Variants in PTPRQ observed in about 807,000 individuals in gnomAD.
PTPRQ encodes the protein phosphatidylinositol phosphatase PTPRQ.
In PTPRQ, 199 loss-of-function variants were observed where a neutral mutation model predicts 246.0. That is an observed-to-expected ratio of 0.81 (90% CI 0.72 to 0.91). The LOEUF (loss-of-function observed/expected upper bound fraction) is 0.91. PTPRQ is among the 40% of genes least tolerant of loss of function. The pLI, the probability that PTPRQ is intolerant of heterozygous loss-of-function variation, is 0.00. For synonymous variants in PTPRQ, 869 were observed against 853.2 expected, an observed-to-expected ratio of 1.02 and a Z score of -0.32; for missense variants, 2,624 against 2,528.4, an observed-to-expected ratio of 1.04 and a Z score of -0.81.
chr12:80,454,633 T>C (rs1007574174), intron 3 of PTPRQ: 4 of 672,138 alleles, frequency 6.0e-6, no homozygotes, highest in Non-Finnish European at 1.1e-5. Context: ...TATTTTGACA[T>C]ATGTTCCTTT....
At chr12:80,547,236 G>A (rs1166476435) in intron 24 of PTPRQ, 2 of 152,808 alleles carry the variant, frequency 1.3e-5, no homozygotes, top group Non-Finnish European at 2.9e-5. Flanking sequence ...CACACATGTA[G>A]TATACATGAC....
At chr12:80,667,918 T>G (rs1028175860) in intron 39 of PTPRQ, among the ~76,000 whole-genome samples, 1 of 152,082 alleles carries the variant, frequency 6.6e-6, no homozygotes, top group African/African-American at 2.4e-5. Context: ...CAAGATTTTC[T>G]ACAAGCAAAT....
rs769264799 is a variant in PTPRQ, at chr12:80,669,069, T to G, written c.6255T>G (p.Asp2085Glu). 108 of 1,550,598 alleles carry G rather than the reference T, an allele frequency of 7.0e-5. No homozygotes were observed. In the East Asian group the frequency reaches 2.6e-3, roughly 38 times the overall value. The change falls in exon 40 of 45, where the codon GAT becomes GAG. Residue 2085 changes from aspartate to glutamate, a missense_variant. Coordinates refer to ENST00000644991, the MANE Select transcript of PTPRQ (RefSeq NM_001145026.2). Reference sequence around the variant, plus strand: ...GTCCACTACCAGGAACAGTTGGAGATTTTTGGAGAATGGTGTGGGAAACCA... The same window carrying G: ...GTCCACTACCAGGAACAGTTGGAGAGTTTTGGAGAATGGTGTGGGAAACCA... The part of the protein sequence containing the change: ...TQGPLPGTVG[D>E]FWRMVWETRA...
intron 26 of PTPRQ, among the ~76,000 whole-genome samples, chr12:80,588,785 A>G (rs1041629807): frequency 2.0e-5 from 3 of 152,088 alleles, no homozygotes; most frequent in Non-Finnish European, 4.4e-5. Context: ...CCAGGCCCAC[A>G]TTTTTCCTTC....
chr12:80,641,875 C>G (rs12320087), intron 35 of PTPRQ, among the ~76,000 whole-genome samples: 1 of 151,716 alleles, frequency 6.6e-6, no homozygotes, highest in Non-Finnish European at 1.5e-5. Flanking sequence ...CTCTCTCTCT[C>G]TCTCTCTTGC....
chr12:80,539,124 C>T (rs1896073522), intron 19 of PTPRQ, among the ~76,000 whole-genome samples: 2 of 151,598 alleles, frequency 1.3e-5, no homozygotes, highest in South Asian at 4.1e-4. Flanking sequence ...TGATTACATA[C>T]ATACCCTAAT....
In PTPRQ at chr12:80,670,462, A is replaced by T. The variant is rs1273362965; in HGVS notation, c.6572A>T (p.His2191Leu). 7.1e-6 allele frequency: 11 copies of T among 1,551,154 alleles called. No individual in the cohort carries two copies. ...AAGTTGGTTCGAGCAAGCAGGGCAC[A>T]TGACACCACACCTATGATTGTTCAC... is the stretch of plus-strand genomic sequence containing the variant. ...FVKLVRASRA[H>L]DTTPMIVHCS... The change falls in exon 42 of 45, where the codon CAT becomes CTT. Residue 2191 changes from histidine (H) to leucine (L), a missense_variant. Coordinates refer to ENST00000644991, the MANE Select transcript of PTPRQ (RefSeq NM_001145026.2).
chr12:80,507,467 C>T (rs1368374152), intron 16 of PTPRQ, among the ~76,000 whole-genome samples: 4 of 151,800 alleles, frequency 2.6e-5, no homozygotes, highest in Non-Finnish European at 5.9e-5. Flanking sequence ...CAAGTTTCCC[C>T]ATCTTCAAGC....
At chr12:80,610,018 C>T (rs1898489112) in intron 27 of PTPRQ, among the ~76,000 whole-genome samples, 1 of 150,476 alleles carries the variant, frequency 6.6e-6, no homozygotes, top group East Asian at 2.0e-4. Context: ...ATTTTACATG[C>T]ATTGAAAGAC....
intron 33 of PTPRQ, 110 bp downstream of exon 33, chr12:80,622,244 T>A (rs1899022775): frequency 3.2e-6 from 3 of 941,958 alleles, no homozygotes; most frequent in East Asian, 7.0e-5. Context: ...ATAAACTCAT[T>A]TAAATGTTAA....
chr12:80,632,272 G>GGAGAA lies in PTPRQ; in HGVS notation c.5767_5768insGAGAA (p.Ala1923GlyfsTer32), dbSNP rs1436972497. On this transcript the variant is annotated frameshift_variant, in exon 34 of 45. Transcript: ENST00000644991. LOFTEE classifies it high-confidence loss of function. ...CCTTTCAATAATTCTCCTTGGAACAGCTATTTTTGCATTTGCAAGGTAAGA... is the reference window on the plus strand; with the variant it reads ...CCTTTCAATAATTCTCCTTGGAACAGGAGAACTATTTTTGCATTTGCAAGGTAAGA... 3.9e-6 allele frequency: 6 copies of GGAGAA among 1,550,970 alleles called. No homozygotes were observed. The African/African-American group carries it at 8.2e-5, about 21-fold the overall frequency.
At chr12:80,447,715 T>C (rs1892597091) in intron 3 of PTPRQ, among the ~76,000 whole-genome samples, 2 of 150,550 alleles carry the variant, frequency 1.3e-5, no homozygotes, top group Non-Finnish European at 2.9e-5. Flanking sequence ...GTTGTAGGTA[T>C]GTGACTTTAT....
At chr12:80,566,690 C>G (rs1359400323) in intron 25 of PTPRQ, among the ~76,000 whole-genome samples, 2 of 151,842 alleles carry the variant, frequency 1.3e-5, no homozygotes, top group African/African-American at 4.8e-5. Flanking sequence ...CAGGCACATG[C>G]CACCACACCT....
At position 80,649,694 on chromosome 12, in the gene PTPRQ, C is replaced by T. The variant is rs771835711; in HGVS notation, c.6024+25C>T. ...GGTATGTTACTAGCAGTTGTCACAACATTGCAAGACCTCCAGTCGTTTCAT... is the reference window on the plus strand; with the variant it reads ...GGTATGTTACTAGCAGTTGTCACAATATTGCAAGACCTCCAGTCGTTTCAT... On this transcript the variant is annotated intron_variant, in intron 37 of 44. Transcript: ENST00000644991. 42 of 1,534,984 alleles carry T rather than the reference C, an allele frequency of 2.7e-5. No individual in the cohort carries two copies. The South Asian group carries it at 5.2e-4, about 19-fold the overall frequency.
intron 31 of PTPRQ, among the ~76,000 whole-genome samples, 197 bp downstream of exon 31, chr12:80,619,739 A>G (rs983956872): frequency 4.0e-5 from 6 of 151,524 alleles, no homozygotes; most frequent in Non-Finnish European, 8.9e-5. Context: ...TATTTGTAAA[A>G]CTTTTATAAA....
At chr12:80,546,058 C>A (rs1896296054) in intron 23 of PTPRQ, among the ~76,000 whole-genome samples, 1 of 152,124 alleles carries the variant, frequency 6.6e-6, no homozygotes, top group Admixed American at 6.5e-5. Flanking sequence ...TGGCTCACGC[C>A]TGTAATCCCA....
At chr12:80,632,591 TAA>T (rs1752490964) in intron 34 of PTPRQ, among the ~76,000 whole-genome samples, 1 of 152,168 alleles carries the variant, frequency 6.6e-6, no homozygotes, top group South Asian at 2.1e-4. Context: ...AAGAGAAATC[TAA>T]GAGTCCAGAA....
At chr12:80,665,175 A>T (rs934810600) in intron 39 of PTPRQ, among the ~76,000 whole-genome samples, 1 of 152,034 alleles carries the variant, frequency 6.6e-6, no homozygotes, top group Non-Finnish European at 1.5e-5. Context: ...CAAGTCCCAG[A>T]GTCCAAAAGC....
rs552667526 is a variant in PTPRQ, at chr12:80,514,402, A to ACACACACACACACACACTCT, written c.2678+3960_2678+3961insACACACACACACACACTCTC. Among the ~76,000 whole-genome samples, 146 of 113,018 alleles carry ACACACACACACACACACTCT rather than the reference A, an allele frequency of 1.3e-3. 2 individuals are homozygous for ACACACACACACACACACTCT. Among genetic ancestry groups the ACACACACACACACACACTCT allele is most frequent in the South Asian group, 0.011 (35 of 3,086 alleles). The allele number at this position is 113,018 out of a possible 152,430, so 74.1% of individuals were successfully genotyped here. A position where few individuals can be genotyped will look rare whatever the true frequency, so the allele number is the denominator to read the frequency against. The stretch of plus-strand genomic sequence containing the variant: ...CACACACACACACACACACACACAC[A>ACACACACACACACACACTCT]CTCTCTCTCTCTCTCTCTGCTTTAA... On this transcript the variant is annotated intron_variant, in intron 17 of 44. Coordinates refer to ENST00000644991, the MANE Select transcript of PTPRQ (RefSeq NM_001145026.2).
Sources: gnomAD v4.1 joint callset for allele counts (sites outside exome capture counted in the v4.1 genomes callset) on GRCh38, gnomAD v4.1.1 for gene constraint, MANE v1.5 for transcripts, NCBI Gene and HGNC (gene_info 2026-07-23, HGNC 2026-07-21) for gene names.